OGFOD3: variants seen among roughly 807,000 people sequenced by gnomAD.
The protein encoded by OGFOD3 is 2-oxoglutarate and iron-dependent oxygenase domain-containing protein 3.
Under a neutral mutation model 39.8 loss-of-function variants are expected in OGFOD3, and 35 were observed. The observed-to-expected ratio is 0.88, with a 90% CI of 0.67 to 1.17. The LOEUF is 1.17. Ranked by LOEUF, OGFOD3 falls within the 50% of genes most tolerant of loss-of-function variation. OGFOD3 has a pLI of 0.00. For missense variants in OGFOD3, 438 were observed against 454.5 expected, an observed-to-expected ratio of 0.96 and a Z score of 0.33; for synonymous variants, 200 against 192.0, an observed-to-expected ratio of 1.04 and a Z score of -0.34.
chr17:82,412,342 G>A (rs1246915961), intron 2 of OGFOD3, among the ~76,000 whole-genome samples: 1 of 145,696 alleles, frequency 6.9e-6, no homozygotes, highest in Non-Finnish European at 1.5e-5. Flanking sequence ...ATGGTTATCG[G>A]GGCAGGGGCA....
chr17:82,399,960 G>C (rs2052735937), intron 7 of OGFOD3, among the ~76,000 whole-genome samples: 1 of 152,222 alleles, frequency 6.6e-6, no homozygotes, highest in Non-Finnish European at 1.5e-5. Context: ...CACCCACTGT[G>C]CGGGCGCTGA....
chr17:82,398,886 C>CTT (rs112854665), intron 7 of OGFOD3, among the ~76,000 whole-genome samples: 30,471 of 142,496 alleles, frequency 0.21, 3,864 homozygotes, highest in South Asian at 0.38. Flanking sequence ...TTTTTCTTTT[C>CTT]TATTTTTTTT....
At position 82,409,374 on chromosome 17, in the gene OGFOD3, G is replaced by C. The variant is rs542320999; in HGVS notation, c.417C>G (p.Asp139Glu). The change falls in exon 4 of 9, where the codon GAC (aspartate) becomes GAG (glutamate). Residue 139 changes from aspartate to glutamate, a missense_variant. By Grantham distance (45) the Asp-to-Glu change is conservative. Coordinates refer to ENST00000313056, the MANE Select transcript of OGFOD3 (RefSeq NM_024648.3). ...GGGACTACATTCAACTCACCCCTCCGTCAGATCCTCCCAGGGAGAGCCCCT... is the reference window on the plus strand; with the variant it reads ...GGGACTACATTCAACTCACCCCTCCCTCAGATCCTCCCAGGGAGAGCCCCT... Reference protein sequence around the residue: ...AEKGLSLGGSDGGASILDLHS... With the variant: ...AEKGLSLGGSEGGASILDLHS... 6.2e-7 allele frequency: 1 copy of C among 1,613,964 alleles called. No homozygotes were observed. The highest frequency in any genetic ancestry group is 8.5e-7 in the Non-Finnish European group (1 of 1,179,882).
At position 82,390,745 on chromosome 17, in the gene OGFOD3, G is replaced by T. The variant is rs1163747487; in HGVS notation, c.*1653C>A. The T allele has an allele frequency of 5.6e-6, 1 of 179,644 alleles. No individual in the cohort carries two copies. Among genetic ancestry groups the T allele is most frequent in the African/African-American group, 2.4e-5 (1 of 41,258 alleles). 11.1% of individuals were successfully genotyped at this position (179,644 alleles called of 1,614,324 possible). ...ACCCAGGGGTCACCATGCCTCAGCT[G>T]GCCTCACGCCCGCTCCTTCCCAGGG... On this transcript the variant is annotated 3_prime_UTR_variant, in exon 9 of 9. Coordinates refer to ENST00000313056, the MANE Select transcript of OGFOD3 (RefSeq NM_024648.3). This position sits in a 1 kb window ranked among gnomAD's most constrained non-coding sequence, Gnocchi z 4.9.
At chr17:82,397,567 C>G (rs2052696009) in intron 8 of OGFOD3, among the ~76,000 whole-genome samples, 1 of 152,090 alleles carries the variant, frequency 6.6e-6, no homozygotes, top group African/African-American at 2.4e-5. Flanking sequence ...GTTCCCCACT[C>G]CCCACACCCT....
rs556333450 is a variant in OGFOD3 at position 82,405,251 on chromosome 17, G to A, written c.545+73C>T. On this transcript the variant is annotated intron_variant, in intron 6 of 8. Coordinates refer to ENST00000313056, the MANE Select transcript of OGFOD3 (RefSeq NM_024648.3). ...CCTCTCCGTGGGGCCTCCCCGGACC[G>A]GCCAGCTCTGCCACACCCCTCAGCC... 1.3e-4 allele frequency: 173 copies of A among 1,358,274 alleles called. No individual in the cohort carries two copies. In the Middle Eastern group the frequency reaches 2.2e-3, roughly 17 times the overall value. 84.1% of individuals were successfully genotyped at this position (1,358,274 alleles called of 1,614,324 possible). A position where few individuals can be genotyped will look rare whatever the true frequency, so the allele number is the denominator to read the frequency against.
chr17:82,395,600 T>G (rs546018481), intron 8 of OGFOD3, among the ~76,000 whole-genome samples: 12 of 152,296 alleles, frequency 7.9e-5, no homozygotes, highest in African/African-American at 2.9e-4. Context: ...GGCGGGTGGA[T>G]CACGAGGTCA....
At chr17:82,412,809 A>G (rs2052972614) in intron 2 of OGFOD3, among the ~76,000 whole-genome samples, 1 of 152,200 alleles carries the variant, frequency 6.6e-6, no homozygotes, top group South Asian at 2.1e-4. Flanking sequence ...GCACCAGGAC[A>G]TGGGGCAAAC....
rs1170443313 is a variant in OGFOD3, at chr17:82,390,455, G to A, written c.*1943C>T. On this transcript the variant is annotated 3_prime_UTR_variant, in exon 9 of 9. Transcript: ENST00000313056. The surrounding 1 kb of genome is among the most constrained non-coding windows in gnomAD (Gnocchi z 4.9). ...AGGACGGCTTTGGCCACCAACCGGA[G>A]GTGGGCCTCATCCTCCCAGATCCAT... The A allele has an allele frequency of 6.6e-6, 1 of 152,398 alleles. No homozygotes were observed. The highest frequency in any genetic ancestry group is 2.4e-5 in the African/African-American group (1 of 41,474). 9.4% of individuals were successfully genotyped at this position (152,398 alleles called of 1,614,324 possible). A position where few individuals can be genotyped will look rare whatever the true frequency, so the allele number is the denominator to read the frequency against.
chr17:82,412,418 A>G (rs1258876427), intron 2 of OGFOD3, among the ~76,000 whole-genome samples: 1 of 79,280 alleles, frequency 1.3e-5, no homozygotes. Flanking sequence ...GGGCATGGTT[A>G]TCGGGGCAGG....
intron 7 of OGFOD3, among the ~76,000 whole-genome samples, chr17:82,399,026 C>T (rs1375870215): frequency 7.8e-5 from 6 of 76,860 alleles, no homozygotes; most frequent in Admixed American, 1.5e-4. Context: ...GGCAGGGGGG[C>T]GGGTCTCGCT....
In OGFOD3 at chr17:82,416,863, CG is replaced by C. The variant is rs1567877202; in HGVS notation, c.75-1237del. ...TTTTTTGTATTTTTAGTAATAGAGA[CG>C]GGGTTTCACCACGTTGGTCAGGCTG... On this transcript the variant is annotated intron_variant, in intron 1 of 8. Coordinates refer to ENST00000313056, the MANE Select transcript of OGFOD3 (RefSeq NM_024648.3). Among the ~76,000 whole-genome samples, 6 of 151,944 alleles carry C rather than the reference CG, an allele frequency of 3.9e-5. No individual in the cohort carries two copies. The South Asian group carries it at 1.0e-3, about 26-fold the overall frequency.
In OGFOD3 at chr17:82,415,208, G is replaced by A. The variant is rs2053012475; in HGVS notation, c.304+190C>T. Among the ~76,000 whole-genome samples the A allele has an allele frequency of 6.6e-6, 1 of 152,116 alleles. No individual in the cohort carries two copies. The highest frequency in any genetic ancestry group is 6.5e-5 in the Admixed American group (1 of 15,274). On this transcript the variant is annotated intron_variant, in intron 2 of 8. Transcript: ENST00000313056. This position sits in a 1 kb window ranked among gnomAD's most constrained non-coding sequence, Gnocchi z 5.3. ...GCTTACTAAAACGCCAACCGTGGCC[G>A]GGCAGTGATGGGCAGGGCGCGAAAC... is the stretch of plus-strand genomic sequence containing the variant.
At chr17:82,394,572 T>C in intron 8 of OGFOD3, 1 of 1,575,084 alleles carries the variant, frequency 6.3e-7, no homozygotes, top group Non-Finnish European at 8.7e-7. Context: ...GATTGTGTGG[T>C]AAAGGGTTGA....
In OGFOD3 at chr17:82,418,464, C is replaced by A; in HGVS notation, c.22G>T (p.Ala8Ser). Residue 8 changes from alanine to serine, a missense_variant, in exon 1 of 9, where the codon GCA becomes TCA. Coordinates refer to ENST00000313056, the MANE Select transcript of OGFOD3 (RefSeq NM_024648.3). Reference sequence around the variant, plus strand: ...CCGTTGCCCTCGGGCGCCTTGGTTGCGGCCCTCCGCTGAGGAGCCATCGGA... The same window carrying A: ...CCGTTGCCCTCGGGCGCCTTGGTTGAGGCCCTCCGCTGAGGAGCCATCGGA... The part of the protein sequence containing the change: MAPQRRA[A>S]TKAPEGNGAA... 6.8e-7 allele frequency: 1 copy of A among 1,472,222 alleles called. No homozygotes were observed. Among genetic ancestry groups the A allele is most frequent in the Non-Finnish European group, 9.0e-7 (1 of 1,117,272 alleles). 91.2% of individuals were successfully genotyped at this position (1,472,222 alleles called of 1,614,324 possible).
intron 7 of OGFOD3, among the ~76,000 whole-genome samples, chr17:82,399,482 A>G (rs893857540): frequency 1.3e-5 from 2 of 152,220 alleles, no homozygotes; most frequent in African/African-American, 4.8e-5. Flanking sequence ...AAGATTTTCC[A>G]GCTTAACTGT....
In OGFOD3 at chr17:82,412,601, A is replaced by G. The variant is rs1417702861; in HGVS notation, c.305-1071T>C. Among the ~76,000 whole-genome samples, 7 of 147,832 alleles carry G rather than the reference A, an allele frequency of 4.7e-5. No homozygotes were observed. The East Asian group carries it at 1.5e-3, about 31-fold the overall frequency. On this transcript the variant is annotated intron_variant, in intron 2 of 8. Coordinates refer to ENST00000313056, the MANE Select transcript of OGFOD3 (RefSeq NM_024648.3). ...TGGGGCAGGGGCAGGGTGGTCAGAC[A>G]GGGTTAGGGTGTTTGGGGCAGGGTG...
chr17:82,415,622 T>C lies in OGFOD3; in HGVS notation c.80A>G (p.Lys27Arg). 1 of 1,610,424 alleles carries C rather than the reference T, an allele frequency of 6.2e-7. No individual in the cohort carries two copies. Among genetic ancestry groups the C allele is most frequent in the Non-Finnish European group, 8.5e-7 (1 of 1,177,970 alleles). ...AAERRNRSST[K>R]KDRAPREVQR... ...CACCTCCCGCGGGGCTCGGTCCTTCTTGGTGCTGAGAACAGAAAACAGGCC... is the reference window on the plus strand; with the variant it reads ...CACCTCCCGCGGGGCTCGGTCCTTCCTGGTGCTGAGAACAGAAAACAGGCC... Residue 27 changes from lysine to arginine, a missense_variant, in exon 2 of 9, where the codon AAG (lysine) becomes AGG (arginine). Transcript: ENST00000313056. This position sits in a 1 kb window ranked among gnomAD's most constrained non-coding sequence, Gnocchi z 5.3.
At chr17:82,401,941 A>C (rs1413730577) in intron 7 of OGFOD3, among the ~76,000 whole-genome samples, 1 of 151,900 alleles carries the variant, frequency 6.6e-6, no homozygotes, top group African/African-American at 2.4e-5. Flanking sequence ...CAAGAGTCCT[A>C]ATCTCCCCAG....
Sources: gnomAD v4.1 joint callset for allele counts (sites outside exome capture counted in the v4.1 genomes callset) on GRCh38, gnomAD v4.1.1 for gene constraint, Gnocchi (gnomAD v3.1) non-coding constraint, MANE v1.5 for transcripts, NCBI Gene and HGNC (gene_info 2026-07-23, HGNC 2026-07-21) for gene names.